TMTC2: variants seen among roughly 807,000 people sequenced by gnomAD.
TMTC2 encodes protein O-mannosyl-transferase TMTC2.
TMTC2 carries 43 observed loss-of-function variants against 82.4 expected under a neutral mutation model. That is an observed-to-expected ratio of 0.52 (90% CI 0.41 to 0.67). The LOEUF (loss-of-function observed/expected upper bound fraction) is 0.67. Among genes scored for constraint, TMTC2 ranks in the 30% least tolerant of loss-of-function variants. The pLI is 0.00. For synonymous variants in TMTC2, 408 were observed against 381.9 expected, an observed-to-expected ratio of 1.07 and a Z score of -0.80; for missense variants, 919 against 1,012.4, an observed-to-expected ratio of 0.91 and a Z score of 1.25.
intron 4 of TMTC2, among the ~76,000 whole-genome samples, chr12:82,952,572 G>A (rs1203932288): frequency 6.6e-6 from 1 of 152,124 alleles, no homozygotes; most frequent in East Asian, 1.9e-4. Context: ...TTGAGATGGA[G>A]TCTTGCTCTG....
At chr12:82,978,260 T>G (rs773879720) in intron 7 of TMTC2, among the ~76,000 whole-genome samples, 1 of 151,776 alleles carries the variant, frequency 6.6e-6, no homozygotes, top group Non-Finnish European at 1.5e-5. Flanking sequence ...CTTTATGAAA[T>G]GAATGTATAT....
intron 1 of TMTC2, among the ~76,000 whole-genome samples, chr12:82,768,331 T>C (rs1592505884): frequency 6.6e-6 from 1 of 152,224 alleles, no homozygotes; most frequent in Admixed American, 6.5e-5. Context: ...AATAGCTGTG[T>C]CTAATGCACG....
At chr12:83,050,067 C>T (rs1279761056) in intron 9 of TMTC2, among the ~76,000 whole-genome samples, 1 of 152,090 alleles carries the variant, frequency 6.6e-6, no homozygotes, top group Admixed American at 6.6e-5. Context: ...AAACATGAAA[C>T]CTCAAACAGG....
intron 3 of TMTC2, among the ~76,000 whole-genome samples, chr12:82,905,789 A>G (rs546762655): frequency 1.1e-4 from 16 of 152,218 alleles, no homozygotes; most frequent in Middle Eastern, 3.4e-3. Context: ...TACTAAAAAT[A>G]CAAAAATTAG....
intron 8 of TMTC2, among the ~76,000 whole-genome samples, chr12:83,006,820 A>C (rs144217601): frequency 2.0e-4 from 30 of 152,330 alleles, no homozygotes; most frequent in Non-Finnish European, 3.8e-4. Flanking sequence ...ATAAAGCTGG[A>C]AACCATCATT....
intron 4 of TMTC2, among the ~76,000 whole-genome samples, chr12:82,956,478 G>C (rs993153721): frequency 6.6e-6 from 1 of 152,016 alleles, no homozygotes; most frequent in African/African-American, 2.4e-5. Context: ...GTTTGAGACA[G>C]AGTCAATGTC....
chr12:83,045,705 CTT>C (rs1168258828), intron 9 of TMTC2, among the ~76,000 whole-genome samples: 61 of 38,882 alleles, frequency 1.6e-3, no homozygotes, highest in Middle Eastern at 0.012. Flanking sequence ...GAAAGGGCTC[CTT>C]CACACACACA....
At chr12:82,785,307 T>A (rs1253012644) in intron 1 of TMTC2, among the ~76,000 whole-genome samples, 1 of 152,010 alleles carries the variant, frequency 6.6e-6, no homozygotes, top group Non-Finnish European at 1.5e-5. Context: ...AGCCCTCTTA[T>A]TCTTTCTGGT....
chr12:82,882,031 T>C (rs1703089), intron 2 of TMTC2, among the ~76,000 whole-genome samples: 1 of 131,412 alleles, frequency 7.6e-6, no homozygotes, highest in African/African-American at 3.5e-5. Context: ...ACGGAGTCTC[T>C]CTCTGTCGCC....
chr12:83,063,097 TC>T (rs1882800372), intron 11 of TMTC2, among the ~76,000 whole-genome samples: 1 of 151,768 alleles, frequency 6.6e-6, no homozygotes, highest in Admixed American at 6.6e-5. Flanking sequence ...TTTATAGACA[TC>T]ATGCAGAAGT....
chr12:83,077,236 C>T (rs1005438403), intron 11 of TMTC2, among the ~76,000 whole-genome samples: 2 of 152,172 alleles, frequency 1.3e-5, no homozygotes, highest in Admixed American at 6.5e-5. Context: ...ACTTCCACTG[C>T]GGCAGCCATA....
chr12:82,769,993 T>C (rs1019787813), intron 1 of TMTC2, among the ~76,000 whole-genome samples: 16 of 152,226 alleles, frequency 1.1e-4, no homozygotes, highest in Admixed American at 7.2e-4. Context: ...GATGCCTATA[T>C]TCTAAGTTAC....
intron 3 of TMTC2, among the ~76,000 whole-genome samples, chr12:82,912,656 G>A (rs1321134398): frequency 1.3e-5 from 2 of 152,152 alleles, no homozygotes; most frequent in Non-Finnish European, 2.9e-5. Context: ...AATGAATGGT[G>A]GTTGGGTGCA....
chr12:82,845,228 A>T (rs1870580295), intron 1 of TMTC2, among the ~76,000 whole-genome samples: 1 of 79,954 alleles, frequency 1.3e-5, no homozygotes, highest in African/African-American at 5.7e-5. Flanking sequence ...GACTGTCTCA[A>T]AAAAAAAAAA....
rs1025258124 is a variant in TMTC2, at chr12:83,099,052, T to C, written c.2332-33158T>C. Among the ~76,000 whole-genome samples, 7 of 152,358 alleles carry C rather than the reference T, an allele frequency of 4.6e-5. No individual in the cohort carries two copies. The East Asian group carries it at 5.8e-4, about 13-fold the overall frequency. On this transcript the variant is annotated intron_variant, in intron 11 of 11. Transcript: ENST00000321196. ...AGGCTGCATGAGAGAGAAAGAGATA[T>C]CCATTTCTATTGCTGGGAAATAATG...
chr12:82,981,102 T>C (rs1878895157), intron 7 of TMTC2, among the ~76,000 whole-genome samples: 1 of 151,902 alleles, frequency 6.6e-6, no homozygotes, highest in East Asian at 1.9e-4. Context: ...GCAAGATATA[T>C]GTTCAAGAGT....
chr12:82,965,048 C>T lies in TMTC2; in HGVS notation c.1623C>T (p.Ser541=). The change falls in exon 5 of 12, where the codon AGC becomes AGT. Residue 541 remains serine (S), a synonymous_variant. Coordinates refer to ENST00000321196, the MANE Select transcript of TMTC2 (RefSeq NM_152588.3). The part of the protein sequence containing the change: ...YNLGLLLQEN[S]RFAEALHYYK... ...GAGGGCTACTTCTCCAGGAGAACAG[C>T]AGGTTTGCAGAAGCACTACATTATT... 1 of 1,612,360 alleles carries T rather than the reference C, an allele frequency of 6.2e-7. No individual in the cohort carries two copies. The highest frequency in any genetic ancestry group is 8.5e-7 in the Non-Finnish European group (1 of 1,178,896).
At chr12:82,930,395 A>C (rs775513989) in intron 3 of TMTC2, 36 bp from the exon 4 acceptor site, 6 of 1,269,416 alleles carry the variant, frequency 4.7e-6, no homozygotes, top group Non-Finnish European at 6.8e-6. Context: ...AATTGGATTG[A>C]TGCTCAGTCT....
chr12:82,870,636 A>AC (rs1229835117), intron 2 of TMTC2, among the ~76,000 whole-genome samples: 3 of 152,152 alleles, frequency 2.0e-5, no homozygotes, highest in Non-Finnish European at 4.4e-5. Flanking sequence ...TCATCCTGTT[A>AC]CTTGTAACTC....
Sources: gnomAD v4.1 joint callset for allele counts (sites outside exome capture counted in the v4.1 genomes callset) on GRCh38, gnomAD v4.1.1 for gene constraint, MANE v1.5 for transcripts, NCBI Gene and HGNC (gene_info 2026-07-23, HGNC 2026-07-21) for gene names.